MYLK3: variants seen among roughly 807,000 people sequenced by gnomAD.
The protein encoded by MYLK3 is myosin light chain kinase 3.
Under a neutral mutation model 76.3 loss-of-function variants are expected in MYLK3, and 55 were observed. The observed-to-expected ratio is 0.72, with a 90% CI of 0.58 to 0.90. The LOEUF is 0.90. Among genes scored for constraint, MYLK3 ranks in the 40% least tolerant of loss-of-function variants. The pLI is 0.00. For missense variants in MYLK3, 973 were observed against 1,053.6 expected (o/e 0.92, Z 1.06); for synonymous variants, 416 against 425.4 (o/e 0.98, Z 0.27).
At chr16:46,710,157 A>G (rs750933941) in intron 11 of MYLK3, among the ~76,000 whole-genome samples, 1 of 152,058 alleles carries the variant, frequency 6.6e-6, no homozygotes, top group Non-Finnish European at 1.5e-5. Context: ...TAGAGCCCAG[A>G]CTCCTGGGCC....
intron 3 of MYLK3, among the ~76,000 whole-genome samples, chr16:46,733,771 C>G (rs944902925): frequency 6.6e-6 from 1 of 152,120 alleles, no homozygotes; most frequent in African/African-American, 2.4e-5. Flanking sequence ...GTGAGGGTGA[C>G]AGTGTCTGGC....
intron 1 of MYLK3, among the ~76,000 whole-genome samples, chr16:46,756,920 G>T (rs943347852): frequency 2.0e-5 from 3 of 152,200 alleles, no homozygotes; most frequent in Non-Finnish European, 4.4e-5. Flanking sequence ...TCTGACCGCA[G>T]ACGGTCAGCC....
At chr16:46,736,854 C>T (rs934157862) in intron 3 of MYLK3, among the ~76,000 whole-genome samples, 2 of 152,170 alleles carry the variant, frequency 1.3e-5, no homozygotes, top group Non-Finnish European at 2.9e-5. Context: ...CAGGGCTGCC[C>T]TGGGGACCGG....
chr16:46,729,876 A>G, intron 5 of MYLK3, 189 bp from the exon 6 acceptor site: 1 of 615,594 alleles, frequency 1.6e-6, no homozygotes, highest in Admixed American at 2.7e-5. Context: ...TTCACCCCAC[A>G]CCACCCAGGC....
chr16:46,746,307 C>A (rs1047625966), intron 1 of MYLK3, among the ~76,000 whole-genome samples: 4 of 152,136 alleles, frequency 2.6e-5, no homozygotes, highest in African/African-American at 9.7e-5. Flanking sequence ...AAAACCTGTA[C>A]ATGCTCAGTA....
At chr16:46,740,182 C>T in intron 1 of MYLK3, 35 bp from the exon 2 acceptor site, 3 of 1,561,830 alleles carry the variant, frequency 1.9e-6, no homozygotes, top group Non-Finnish European at 2.6e-6. Flanking sequence ...TCATCATTAT[C>T]ATCAACATTG....
At chr16:46,756,996 G>T (rs1321214808) in intron 1 of MYLK3, among the ~76,000 whole-genome samples, 1 of 152,078 alleles carries the variant, frequency 6.6e-6, no homozygotes, top group South Asian at 2.1e-4. Flanking sequence ...GGAGGAAGGG[G>T]GACAGCTTCC....
chr16:46,751,022 A>T (rs1400922041), upstream of MYLK3, among the ~76,000 whole-genome samples: 2 of 152,016 alleles, frequency 1.3e-5, no homozygotes, highest in African/African-American at 4.8e-5. Flanking sequence ...AATAAATAAA[A>T]CAAATAAATA....
chr16:46,717,807 T>A (rs1966759480), intron 9 of MYLK3, among the ~76,000 whole-genome samples: 1 of 152,230 alleles, frequency 6.6e-6, no homozygotes, highest in Non-Finnish European at 1.5e-5. Flanking sequence ...ATAGCAGCAT[T>A]GCCTGCAGAC....
At chr16:46,755,061 A>G (rs1410718857) in intron 1 of MYLK3, among the ~76,000 whole-genome samples, 1 of 151,832 alleles carries the variant, frequency 6.6e-6, no homozygotes, top group Non-Finnish European at 1.5e-5. Flanking sequence ...ACGCTTGGCT[A>G]ATTTTTGTGG....
At chr16:46,741,370 G>A (rs1249746385) in intron 1 of MYLK3, among the ~76,000 whole-genome samples, 2 of 152,218 alleles carry the variant, frequency 1.3e-5, no homozygotes, top group East Asian at 3.8e-4. Context: ...GTCCACACCA[G>A]ACCAGTGCCT....
intron 1 of MYLK3, among the ~76,000 whole-genome samples, chr16:46,741,852 C>T (rs2143016391): frequency 6.6e-6 from 1 of 151,946 alleles, no homozygotes; most frequent in East Asian, 1.9e-4. Flanking sequence ...CTCACTGCAG[C>T]CTCGACCTTC....
chr16:46,716,638 T>TC (rs1211614607), intron 9 of MYLK3, among the ~76,000 whole-genome samples: 1 of 152,008 alleles, frequency 6.6e-6, no homozygotes, highest in Non-Finnish European at 1.5e-5. Flanking sequence ...AGTCCTTCTT[T>TC]CACCTGCCCA....
At chr16:46,757,967 C>T (rs1179251889) in intron 1 of MYLK3, among the ~76,000 whole-genome samples, 2 of 152,134 alleles carry the variant, frequency 1.3e-5, no homozygotes, top group Non-Finnish European at 2.9e-5. Context: ...AGAGAGGTGG[C>T]GGCCCTGCAG....
intron 1 of MYLK3, among the ~76,000 whole-genome samples, chr16:46,746,916 C>T (rs775711634): frequency 2.0e-5 from 3 of 152,114 alleles, no homozygotes; most frequent in East Asian, 3.9e-4. Context: ...CTCCTGTCCT[C>T]GGCAGGCAGC....
chr16:46,712,532 T>A lies in MYLK3; in HGVS notation c.2114+116A>T, dbSNP rs1426232816. On this transcript the variant is annotated intron_variant, in intron 10 of 12. Coordinates refer to ENST00000394809, the MANE Select transcript of MYLK3 (RefSeq NM_182493.3). ...ACTACCCTATTCCTCTATTGGGGTT[T>A]CCTGGGGTTACCTCCCAAATAGACT... is the stretch of plus-strand genomic sequence containing the variant. 4.1e-6 allele frequency: 4 copies of A among 981,078 alleles called. No homozygotes were observed. In the Admixed American group the frequency reaches 1.2e-4, roughly 30 times the overall value. 60.8% of individuals were successfully genotyped at this position (981,078 alleles called of 1,614,324 possible).
chr16:46,757,537 C>T (rs1279638255), intron 1 of MYLK3: 9 of 985,298 alleles, frequency 9.1e-6, no homozygotes, highest in Non-Finnish European at 9.6e-6. Flanking sequence ...GTGCCAACTC[C>T]GTGTTTACTC....
Position 46,712,728 on chromosome 16 carries a change from G to A in MYLK3, c.2034C>T (p.Phe678=). ...CATAATTGACGACTTCTGGGGCCAG[G>A]AACTCAGGAGTGCCGAAGTTCACCT... The part of the protein sequence containing the change: ...KLKVNFGTPE[F]LAPEVVNYEF... The change falls in exon 10 of 13, where the codon TTC becomes TTT. Residue 678 remains phenylalanine (F), a synonymous_variant. Coordinates refer to ENST00000394809, the MANE Select transcript of MYLK3 (RefSeq NM_182493.3). The A allele has an allele frequency of 6.3e-7, 1 of 1,599,614 alleles. No individual in the cohort carries two copies. Among genetic ancestry groups the A allele is most frequent in the Non-Finnish European group, 8.5e-7 (1 of 1,172,772 alleles).
chr16:46,757,966 G>T (rs1967221954), intron 1 of MYLK3, among the ~76,000 whole-genome samples: 1 of 152,128 alleles, frequency 6.6e-6, no homozygotes, highest in South Asian at 2.1e-4. Context: ...CAGAGAGGTG[G>T]CGGCCCTGCA....
Sources: gnomAD v4.1 joint callset for allele counts (sites outside exome capture counted in the v4.1 genomes callset) on GRCh38, gnomAD v4.1.1 for gene constraint, MANE v1.5 for transcripts, NCBI Gene and HGNC (gene_info 2026-07-23, HGNC 2026-07-21) for gene names.